The following DSG1 variants were observed in gnomAD, a reference collection of about 807,000 sequenced individuals.
DSG1 encodes the protein desmoglein-1.
In DSG1, 39 loss-of-function variants were observed where a neutral mutation model predicts 97.5. The observed-to-expected ratio is 0.40, with a 90% CI of 0.31 to 0.52. DSG1 has a LOEUF of 0.52. Ranked by LOEUF, DSG1 falls within the 20% of genes least tolerant of loss-of-function variation. The pLI is 0.53. For synonymous variants in DSG1, 475 were observed against 443.4 expected (o/e 1.07, Z -0.90); for missense variants, 1,311 against 1,295.4 (o/e 1.01, Z -0.18).
rs1207225959 is a variant in DSG1, at chr18:31,355,386, A to G, written c.*40A>G. Reference sequence around the variant, plus strand: ...CACTTTTTCATAGTCATTGTGGTTTAGATCCAATTCCCACCACTAAAAAAC... The same window carrying G: ...CACTTTTTCATAGTCATTGTGGTTTGGATCCAATTCCCACCACTAAAAAAC... On this transcript the variant is annotated 3_prime_UTR_variant, in exon 15 of 15. Transcript: ENST00000257192. 3 of 1,594,582 alleles carry G rather than the reference A, an allele frequency of 1.9e-6. No homozygotes were observed. In the South Asian group the frequency reaches 3.3e-5, roughly 18 times the overall value.
Position 31,328,269 on chromosome 18 carries a change from C to A in DSG1, c.297C>A (p.Ile99=). The change falls in exon 4 of 15, where the codon ATC becomes ATA. Residue 99 remains isoleucine (I), a synonymous_variant. Transcript: ENST00000257192. ...GVGIDQPPYG[I]FVINQKTGEI... Reference sequence around the variant, plus strand: ...GAATTGATCAGCCACCATATGGGATCTTTGTCATTAATCAGAAAACTGGTG... The same window carrying A: ...GAATTGATCAGCCACCATATGGGATATTTGTCATTAATCAGAAAACTGGTG... 1 of 1,613,602 alleles carries A rather than the reference C, an allele frequency of 6.2e-7. No homozygotes were observed. The highest frequency in any genetic ancestry group is 1.1e-5 in the South Asian group (1 of 91,076).
intron 11 of DSG1, among the ~76,000 whole-genome samples, chr18:31,340,321 AGAGGGCGGGGTGTGGT>A (rs1320082255): frequency 6.6e-6 from 1 of 151,726 alleles, no homozygotes; most frequent in Non-Finnish European, 1.5e-5. Flanking sequence ...AAGAGGCTAC[AGAGGGCGGGGTGTGGT>A]GGCTCATGCC....
intron 14 of DSG1, among the ~76,000 whole-genome samples, chr18:31,346,996 A>G (rs908411705): frequency 6.6e-6 from 1 of 152,282 alleles, no homozygotes; most frequent in African/African-American, 2.4e-5. Context: ...TAACTTTGCC[A>G]TCCCCAGGAA....
chr18:31,352,620 A>C (rs1400018931), intron 14 of DSG1, among the ~76,000 whole-genome samples: 4 of 149,480 alleles, frequency 2.7e-5, no homozygotes, highest in Non-Finnish European at 4.4e-5. Flanking sequence ...TCAGACGTAG[A>C]TTTGGTCTTT....
chr18:31,330,010 G>A lies in DSG1; in HGVS notation c.491G>A (p.Gly164Glu), dbSNP rs2071710603. The stretch of plus-strand genomic sequence containing the variant: ...GTGTTTTCAATGGCTACATTTGCAG[G>A]ACAAATAGAAGAAAATTCTAATGCA... ...PPVFSMATFA[G>E]QIEENSNANT... Residue 164 changes from glycine to glutamate, a missense_variant, in exon 5 of 15, where the codon GGA (glycine) becomes GAA (glutamate). Gly to Glu is a moderately conservative substitution (Grantham distance 98, BLOSUM62 -2). Transcript: ENST00000257192. 6.2e-7 allele frequency: 1 copy of A among 1,613,016 alleles called. No homozygotes were observed. Among genetic ancestry groups the A allele is most frequent in the Non-Finnish European group, 8.5e-7 (1 of 1,179,280 alleles).
In DSG1 at chr18:31,354,510, G is replaced by A. The variant is rs61730309; in HGVS notation, c.2314G>A (p.Asp772Asn). 3,755 of 1,614,158 alleles carry A rather than the reference G, an allele frequency of 2.3e-3. 72 individuals are homozygous for A. In the African/African-American group the frequency reaches 0.044, roughly 19 times the overall value. ...SLGKESYPDL[D>N]PSWPPQSTEP... ...AGGAAAAGAATCATATCCAGACCTT[G>A]ATCCTTCTTGGCCACCACAAAGCAC... is the stretch of plus-strand genomic sequence containing the variant. Residue 772 changes from aspartate to asparagine, a missense_variant, in exon 15 of 15, where the codon GAT (aspartate) becomes AAT (asparagine). Physicochemically the swap from Asp to Asn is conservative, Grantham distance 23. This residue lies in a region of DSG1 where 1,038 missense variants were observed against 964.6 expected (regional missense o/e 1.08). Transcript: ENST00000257192.
intron 6 of DSG1, 86 bp downstream of exon 6, chr18:31,331,953 A>G: frequency 7.6e-7 from 1 of 1,320,544 alleles, no homozygotes; most frequent in Non-Finnish European, 1.1e-6. Flanking sequence ...GAGATGAAGA[A>G]AATGATGGTT....
intron 1 of DSG1, among the ~76,000 whole-genome samples, chr18:31,322,778 G>C (rs1481359956): frequency 6.6e-6 from 1 of 152,158 alleles, no homozygotes; most frequent in Non-Finnish European, 1.5e-5. Context: ...AAGTGACTTG[G>C]AAGACCATCT....
rs959842945 is a variant in DSG1, at chr18:31,354,907, G to A, written c.2711G>A (p.Ser904Asn). ...GAAAGGGTAATAGCACCAAGCTCTAGTCTACCCACCTCTCTGACTATCCAT... is the reference window on the plus strand; with the variant it reads ...GAAAGGGTAATAGCACCAAGCTCTAATCTACCCACCTCTCTGACTATCCAT... ...VTERVIAPSSSLPTSLTIHHP... is the reference protein window; with the variant it reads ...VTERVIAPSSNLPTSLTIHHP... The change falls in exon 15 of 15, where the codon AGT (serine) becomes AAT (asparagine). Residue 904 changes from serine to asparagine, a missense_variant. By Grantham distance (46) the Ser-to-Asn change is conservative. Transcript: ENST00000257192. 3.1e-6 allele frequency: 5 copies of A among 1,614,064 alleles called. No individual in the cohort carries two copies. In the East Asian group the frequency reaches 6.7e-5, roughly 22 times the overall value.
chr18:31,338,196 T>C (rs1016308427), intron 9 of DSG1, 119 bp from the exon 10 acceptor site: 11 of 1,065,820 alleles, frequency 1.0e-5, no homozygotes, highest in Non-Finnish European at 1.5e-5. Context: ...AAGTCTCTAG[T>C]AATTGAAAAC....
At chr18:31,329,415 T>A (rs544273054) in intron 4 of DSG1, among the ~76,000 whole-genome samples, 3 of 152,182 alleles carry the variant, frequency 2.0e-5, no homozygotes, top group Admixed American at 2.0e-4. Flanking sequence ...ACTTTAATTC[T>A]TTAGCCTTCA....
At chr18:31,341,441 C>T (rs1470118757) in intron 11 of DSG1, among the ~76,000 whole-genome samples, 3 of 152,190 alleles carry the variant, frequency 2.0e-5, no homozygotes, top group African/African-American at 7.2e-5. Flanking sequence ...TTAAATAACT[C>T]ATGTTTTTGA....
intron 6 of DSG1, among the ~76,000 whole-genome samples, chr18:31,332,692 A>G (rs1036034287): frequency 1.2e-4 from 19 of 152,132 alleles, no homozygotes; most frequent in Admixed American, 6.6e-4. Flanking sequence ...AAAAATGACA[A>G]TCTTCTTGCT....
intron 1 of DSG1, among the ~76,000 whole-genome samples, chr18:31,319,330 T>A (rs952424208): frequency 6.6e-6 from 1 of 152,198 alleles, no homozygotes; most frequent in Non-Finnish European, 1.5e-5. Context: ...ACTTGCTTAA[T>A]TTTTGAACTG....
chr18:31,351,410 A>C (rs2071895150), intron 14 of DSG1, among the ~76,000 whole-genome samples: 1 of 147,798 alleles, frequency 6.8e-6, no homozygotes, highest in African/African-American at 2.5e-5. Flanking sequence ...ATTTTGGAAT[A>C]GGTGTGGTGT....
intron 1 of DSG1, among the ~76,000 whole-genome samples, chr18:31,323,608 T>C (rs754832726): frequency 6.6e-6 from 1 of 152,162 alleles, no homozygotes; most frequent in Non-Finnish European, 1.5e-5. Context: ...GCTTCTATCT[T>C]AACTTTCAAA....
rs1329600270 is a variant in DSG1, at chr18:31,358,312, A to AT, written c.*2967dup. On this transcript the variant is annotated 3_prime_UTR_variant, in exon 15 of 15. Transcript: ENST00000257192. Reference sequence around the variant, plus strand: ...CTAATTTTGACACTGAATTACAGATATATCTGCTACATATTATTTACTTCT... The same window carrying AT: ...CTAATTTTGACACTGAATTACAGATATTATCTGCTACATATTATTTACTTCT... Among the ~76,000 whole-genome samples the AT allele has an allele frequency of 6.6e-6, 1 of 152,134 alleles. No individual in the cohort carries two copies. The highest frequency in any genetic ancestry group is 2.4e-5 in the African/African-American group (1 of 41,574).
At chr18:31,333,306 A>G (rs1442089895) in intron 6 of DSG1, among the ~76,000 whole-genome samples, 1 of 152,162 alleles carries the variant, frequency 6.6e-6, no homozygotes. Flanking sequence ...CCTTGAGATC[A>G]TTCTGGTTTG....
At chr18:31,346,816 T>C (rs2071842716) in intron 14 of DSG1, among the ~76,000 whole-genome samples, 1 of 152,222 alleles carries the variant, frequency 6.6e-6, no homozygotes, top group South Asian at 2.1e-4. Context: ...TAGTGTCTCA[T>C]CCATATATTC....
Sources: gnomAD v4.1 joint callset for allele counts (sites outside exome capture counted in the v4.1 genomes callset) on GRCh38, gnomAD v4.1.1 for gene constraint, gnomAD v4.1.1 regional missense constraint, MANE v1.5 for transcripts, NCBI Gene and HGNC (gene_info 2026-07-23, HGNC 2026-07-21) for gene names.